The following CFAP54 variants were observed in gnomAD, a reference collection of about 807,000 sequenced individuals.
CFAP54 encodes the protein cilia- and flagella-associated protein 54.
In CFAP54, 290 loss-of-function variants were observed where a neutral mutation model predicts 370.4. The observed-to-expected ratio is 0.78, with a 90% confidence interval of 0.71 to 0.86. The LOEUF is 0.86. Ranked by LOEUF, CFAP54 falls within the 40% of genes least tolerant of loss-of-function variation. CFAP54 has a pLI of 0.00. For synonymous variants in CFAP54, 1,206 were observed against 1,236.5 expected (o/e 0.98, Z 0.52); for missense variants, 3,399 against 3,528.7 (o/e 0.96, Z 0.93).
chr12:96,802,569 T>A (rs143733019), intron 63 of CFAP54, among the ~76,000 whole-genome samples: 1 of 152,282 alleles, frequency 6.6e-6, no homozygotes, highest in East Asian at 1.9e-4. Context: ...ACCACCCATA[T>A]GACACCAGCT....
At chr12:96,494,944 C>G (rs1954932609) in intron 1 of CFAP54, among the ~76,000 whole-genome samples, 1 of 152,076 alleles carries the variant, frequency 6.6e-6, no homozygotes, top group Non-Finnish European at 1.5e-5. Context: ...CCAGGATGGT[C>G]TCGATATCTT....
Position 96,718,434 on chromosome 12 carries a change from T to C in CFAP54, c.6725-9T>C. On this transcript the variant is annotated splice_polypyrimidine_tract_variant and intron_variant, in intron 48 of 67. Coordinates refer to ENST00000524981, the MANE Select transcript of CFAP54 (RefSeq NM_001306084.2). ...TCCTTGGTCCTTCCAAAATTTTGTG[T>C]CTTTATAGAGATATATTCAAAGGAT... 3.6e-6 allele frequency: 5 copies of C among 1,391,014 alleles called. No homozygotes were observed. Among genetic ancestry groups the C allele is most frequent in the Non-Finnish European group, 4.1e-6 (4 of 982,270 alleles). 86.2% of individuals were successfully genotyped at this position (1,391,014 alleles called of 1,614,324 possible).
At chr12:96,840,237 G>T (rs577827502) in intron 66 of CFAP54, among the ~76,000 whole-genome samples, 1 of 152,194 alleles carries the variant, frequency 6.6e-6, no homozygotes, top group Non-Finnish European at 1.5e-5. Context: ...AGACCCACAC[G>T]GTAGAGGATA....
intron 42 of CFAP54, among the ~76,000 whole-genome samples, chr12:96,685,475 T>A (rs1175418684): frequency 6.6e-6 from 1 of 152,142 alleles, no homozygotes; most frequent in East Asian, 1.9e-4. Flanking sequence ...GGCCCAGGTG[T>A]TTGCTTTGCT....
Position 96,792,440 on chromosome 12 carries a change from CT to C in CFAP54, c.8794del (p.Cys2932AlafsTer28). On this transcript the variant is annotated frameshift_variant, in exon 63 of 68. Transcript: ENST00000524981. LOFTEE classifies it high-confidence loss of function. Reference sequence around the variant, plus strand: ...GGTAACGCAAGCTTCAAACAAAGAACTTTGCTTTCAATGGTACATTCCTCCC... The same window carrying C: ...GGTAACGCAAGCTTCAAACAAAGAACTTGCTTTCAATGGTACATTCCTCCC... Reference protein sequence around the residue: ...EMVTQASNKELCFQWYIPPLD... With the variant: ...EMVTQASNKEXCFQWYIPPLD... 6.5e-7 allele frequency: 1 copy of C among 1,535,922 alleles called. No homozygotes were observed. The highest frequency in any genetic ancestry group is 8.7e-7 in the Non-Finnish European group (1 of 1,146,792).
Position 96,649,930 on chromosome 12 carries a change from G to A in CFAP54, c.4730G>A (p.Ser1577Asn). The A allele has an allele frequency of 6.2e-7, 1 of 1,608,108 alleles. No individual in the cohort carries two copies. The highest frequency in any genetic ancestry group is 1.1e-5 in the South Asian group (1 of 90,048). Residue 1577 changes from serine (S) to asparagine (N), a missense_variant, in exon 35 of 68, where the codon AGT becomes AAT. Ser to Asn is a conservative substitution (Grantham distance 46, BLOSUM62 1). Around this residue, in one of 3 missense-constraint regions of CFAP54, gnomAD observed 2,796 missense variants for 2,869.7 expected, o/e 0.97. Transcript: ENST00000524981. Reference protein sequence around the residue: ...EFSTFINSIMSDENMSKTQTV... With the variant: ...EFSTFINSIMNDENMSKTQTV... The stretch of plus-strand genomic sequence containing the variant: ...TCTACATTTATTAATTCCATAATGA[G>A]TGATGAAAATATGTCCAAGACACAA...
chr12:96,571,548 C>T (rs1239880831), intron 19 of CFAP54, among the ~76,000 whole-genome samples: 5 of 152,128 alleles, frequency 3.3e-5, no homozygotes, highest in Admixed American at 1.3e-4. Flanking sequence ...ATTATTGATA[C>T]GTCATGGAAA....
chr12:96,490,011 G>C (rs1194720551), intron 1 of CFAP54, 85 bp downstream of exon 1: 2 of 1,315,254 alleles, frequency 1.5e-6, no homozygotes, highest in Non-Finnish European at 1.0e-6. Context: ...GGTGGCCCCA[G>C]AGATGGTTCA....
At chr12:96,527,551 T>A in intron 9 of CFAP54, 107 bp downstream of exon 9, 1 of 206,104 alleles carries the variant, frequency 4.9e-6, no homozygotes, top group Non-Finnish European at 6.4e-6. Context: ...TTTATATTGT[T>A]TTTTTTTTTT....
At chr12:96,530,608 G>A (rs1425404496) in intron 9 of CFAP54, among the ~76,000 whole-genome samples, 2 of 152,100 alleles carry the variant, frequency 1.3e-5, no homozygotes, top group Non-Finnish European at 2.9e-5. Context: ...TCCAGTTTTT[G>A]GCTACTAGAA....
At chr12:96,735,551 G>A (rs888262722) in intron 50 of CFAP54, among the ~76,000 whole-genome samples, 11 of 152,166 alleles carry the variant, frequency 7.2e-5, no homozygotes, top group African/African-American at 2.7e-4. Context: ...AGCTAGTTTG[G>A]GCTCAGTGTA....
chr12:96,589,669 AC>A, intron 23 of CFAP54, 106 bp downstream of exon 23: 1 of 622,862 alleles, frequency 1.6e-6, no homozygotes, highest in South Asian at 2.1e-5. Context: ...TAGTCCATAT[AC>A]AATCATCATT....
intron 17 of CFAP54, among the ~76,000 whole-genome samples, chr12:96,562,428 C>CTTTTTT (rs200487420): frequency 8.7e-6 from 1 of 115,092 alleles, no homozygotes; most frequent in East Asian, 2.4e-4. Flanking sequence ...TATTTGCATT[C>CTTTTTT]TTTTTTTTTT....
intron 42 of CFAP54, among the ~76,000 whole-genome samples, chr12:96,688,147 A>C (rs1456817771): frequency 6.6e-6 from 1 of 152,208 alleles, no homozygotes; most frequent in African/African-American, 2.4e-5. Flanking sequence ...AGAAAGACTT[A>C]GGAGAAGGTA....
At chr12:96,650,927 A>G (rs947939535) in intron 35 of CFAP54, among the ~76,000 whole-genome samples, 4 of 152,168 alleles carry the variant, frequency 2.6e-5, no homozygotes, top group Non-Finnish European at 2.9e-5. Flanking sequence ...GCTCACTCCC[A>G]TGGGTCAGCA....
intron 63 of CFAP54, among the ~76,000 whole-genome samples, chr12:96,797,923 T>C (rs1958783062): frequency 6.6e-6 from 1 of 152,066 alleles, no homozygotes; most frequent in African/African-American, 2.4e-5. Context: ...TCCTTTAATA[T>C]CTACTTTTGG....
chr12:96,708,887 A>T (rs1045286430), intron 48 of CFAP54, 84 bp downstream of exon 48: 55 of 1,064,078 alleles, frequency 5.2e-5, no homozygotes, highest in Non-Finnish European at 7.0e-5. Context: ...TATATAAATG[A>T]TACAGTATAT....
chr12:96,691,015 G>C lies in CFAP54; in HGVS notation c.6082-113G>C, dbSNP rs1347828909. The C allele has an allele frequency of 4.8e-6, 4 of 827,080 alleles. No individual in the cohort carries two copies. The East Asian group carries it at 1.1e-4, about 22-fold the overall frequency. 51.2% of individuals were successfully genotyped at this position (827,080 alleles called of 1,614,324 possible). Reference sequence around the variant, plus strand: ...AGTACCATTTATTACAAAGTACAGTGTGCTAGGCATATACTAAGCATTTTA... The same window carrying C: ...AGTACCATTTATTACAAAGTACAGTCTGCTAGGCATATACTAAGCATTTTA... On this transcript the variant is annotated intron_variant, in intron 43 of 67. Transcript: ENST00000524981.
chr12:96,547,197 A>T (rs1955649391), intron 14 of CFAP54, among the ~76,000 whole-genome samples: 2 of 151,832 alleles, frequency 1.3e-5, no homozygotes, highest in South Asian at 2.1e-4. Flanking sequence ...TTATTTATTT[A>T]TTTTTTGAGA....
Sources: gnomAD v4.1 joint callset for allele counts (sites outside exome capture counted in the v4.1 genomes callset) on GRCh38, gnomAD v4.1.1 for gene constraint, gnomAD v4.1.1 regional missense constraint, MANE v1.5 for transcripts, NCBI Gene and HGNC (gene_info 2026-07-23, HGNC 2026-07-21) for gene names.